Variants in GALNT1 observed in about 807,000 individuals in gnomAD.
GALNT1 encodes GalNAc transferase 1.
A neutral mutation model predicts 65.7 loss-of-function variants in GALNT1; 17 were observed. That is an observed-to-expected ratio of 0.26 (90% CI 0.18 to 0.39). The LOEUF is 0.39. Among genes scored for constraint, GALNT1 ranks in the 10% least tolerant of loss-of-function variants. The pLI is 1.00. For synonymous variants in GALNT1, 210 were observed against 219.7 expected, an observed-to-expected ratio of 0.96 and a Z score of 0.39; for missense variants, 460 against 672.8, an observed-to-expected ratio of 0.68 and a Z score of 3.50.
intron 1 of GALNT1, among the ~76,000 whole-genome samples, chr18:35,582,359 C>T (rs987587303): frequency 1.3e-5 from 2 of 152,148 alleles, no homozygotes; most frequent in Non-Finnish European, 2.9e-5. Context: ...AATGTAGTAG[C>T]TTTTCCGCTT....
intron 1 of GALNT1, among the ~76,000 whole-genome samples, chr18:35,652,141 A>T (rs2047319724): frequency 6.6e-6 from 1 of 152,108 alleles, no homozygotes; most frequent in Non-Finnish European, 1.5e-5. Context: ...AAACATCTCA[A>T]AGAAGACATT....
intron 3 of GALNT1, among the ~76,000 whole-genome samples, chr18:35,676,177 TAG>T (rs2047707497): frequency 1.3e-5 from 2 of 151,846 alleles, no homozygotes. Flanking sequence ...AGAGTGAACA[TAG>T]GGAGCAAGCA....
rs58909585 is a variant in GALNT1, at chr18:35,636,783, G to GTTT, written c.-103-17754_-103-17752dup. Among the ~76,000 whole-genome samples, 160 of 64,210 alleles carry GTTT rather than the reference G, an allele frequency of 2.5e-3. 5 individuals are homozygous for GTTT. Among genetic ancestry groups the GTTT allele is most frequent in the African/African-American group, 6.5e-3 (122 of 18,688 alleles). The allele number at this position is 64,210 out of a possible 152,430, so 42.1% of individuals were successfully genotyped here. On this transcript the variant is annotated intron_variant, in intron 1 of 11. Coordinates refer to ENST00000269195, the MANE Select transcript of GALNT1 (RefSeq NM_020474.4). ...TATTGTACTTCACAGATACTACTTTGTTTTTTTTTTTTTTTTTTTTTTTTT... is the reference window on the plus strand; with the variant it reads ...TATTGTACTTCACAGATACTACTTTGTTTTTTTTTTTTTTTTTTTTTTTTTTTT...
chr18:35,641,922 G>T (rs970131671), intron 1 of GALNT1, among the ~76,000 whole-genome samples: 1 of 152,098 alleles, frequency 6.6e-6, no homozygotes, highest in Non-Finnish European at 1.5e-5. Context: ...ATAATATTTT[G>T]TAATTTATAG....
At chr18:35,705,957 A>T (rs927521005) in intron 11 of GALNT1, among the ~76,000 whole-genome samples, 2 of 152,174 alleles carry the variant, frequency 1.3e-5, no homozygotes, top group East Asian at 1.9e-4. Flanking sequence ...GCTCTTTATT[A>T]GCAAAGTAAA....
intron 1 of GALNT1, among the ~76,000 whole-genome samples, chr18:35,618,685 TC>T (rs1451418250): frequency 5.3e-5 from 8 of 152,208 alleles, no homozygotes; most frequent in Admixed American, 5.2e-4. Context: ...TACTTAACTT[TC>T]CTATTACATT....
At position 35,702,969 on chromosome 18, in the gene GALNT1, A is replaced by G; in HGVS notation, c.1372A>G (p.Asn458Asp). 6.2e-7 allele frequency: 1 copy of G among 1,610,032 alleles called. No individual in the cohort carries two copies. Among genetic ancestry groups the G allele is most frequent in the Non-Finnish European group, 8.5e-7 (1 of 1,178,048 alleles). ...AGAGAATGAAAAAGTTGGAATTTTTAATTGCCATGGTATGGGGGGTAATCA... is the reference window on the plus strand; with the variant it reads ...AGAGAATGAAAAAGTTGGAATTTTTGATTGCCATGGTATGGGGGGTAATCA... ...RKENEKVGIFNCHGMGGNQVF... is the reference protein window; with the variant it reads ...RKENEKVGIFDCHGMGGNQVF... Residue 458 changes from asparagine (N) to aspartate (D), a missense_variant, in exon 10 of 12, where the codon AAT becomes GAT. Transcript: ENST00000269195.
intron 9 of GALNT1, among the ~76,000 whole-genome samples, chr18:35,693,618 G>A (rs927256219): frequency 6.6e-6 from 1 of 152,178 alleles, no homozygotes; most frequent in African/African-American, 2.4e-5. Context: ...GACACTGACT[G>A]TAAAGTTGCC....
chr18:35,635,372 TAC>T (rs2047075695), intron 1 of GALNT1, among the ~76,000 whole-genome samples: 1 of 152,128 alleles, frequency 6.6e-6, no homozygotes, highest in African/African-American at 2.4e-5. Flanking sequence ...AGACACCAGG[TAC>T]ACATAATAAA....
chr18:35,619,276 T>G (rs1158392970), intron 1 of GALNT1, among the ~76,000 whole-genome samples: 1 of 152,196 alleles, frequency 6.6e-6, no homozygotes, highest in African/African-American at 2.4e-5. Flanking sequence ...CAAGTTTTGG[T>G]TTTTATTTGT....
chr18:35,664,951 T>C (rs2047526664), intron 3 of GALNT1, among the ~76,000 whole-genome samples: 1 of 152,240 alleles, frequency 6.6e-6, no homozygotes, highest in African/African-American at 2.4e-5. Context: ...GAAAAGTATG[T>C]GCTGAATTTC....
intron 2 of GALNT1, among the ~76,000 whole-genome samples, chr18:35,660,639 G>A (rs1376165755): frequency 1.3e-5 from 2 of 152,106 alleles, no homozygotes; most frequent in Non-Finnish European, 2.9e-5. Context: ...ACACATAGAA[G>A]ACTGGCAGTA....
intron 1 of GALNT1, among the ~76,000 whole-genome samples, chr18:35,633,176 C>A (rs998171002): frequency 1.4e-4 from 21 of 152,124 alleles, no homozygotes; most frequent in Non-Finnish European, 2.4e-4. Flanking sequence ...CCATTTGACC[C>A]AGCCATCCCA....
intron 9 of GALNT1, among the ~76,000 whole-genome samples, chr18:35,696,725 T>G (rs1169941125): frequency 6.6e-6 from 1 of 152,224 alleles, no homozygotes; most frequent in East Asian, 1.9e-4. Flanking sequence ...ATAAGTAAAC[T>G]GAGACACAAA....
intron 5 of GALNT1, among the ~76,000 whole-genome samples, chr18:35,686,010 A>G (rs904808554): frequency 2.0e-5 from 3 of 152,200 alleles, no homozygotes; most frequent in African/African-American, 7.2e-5. Flanking sequence ...CAAGGCTGCA[A>G]TGAGCCAAGA....
At chr18:35,695,810 A>G (rs1484358899) in intron 9 of GALNT1, among the ~76,000 whole-genome samples, 1 of 152,216 alleles carries the variant, frequency 6.6e-6, no homozygotes, top group Non-Finnish European at 1.5e-5. Flanking sequence ...CTGGTCAAAG[A>G]AGGCCCAGGG....
At chr18:35,628,113 G>C (rs1309193337) in intron 1 of GALNT1, among the ~76,000 whole-genome samples, 1 of 152,212 alleles carries the variant, frequency 6.6e-6, no homozygotes, top group Non-Finnish European at 1.5e-5. Flanking sequence ...AAGGAGGCCT[G>C]CTGCCTCTGT....
At chr18:35,634,453 C>T (rs2047063193) in intron 1 of GALNT1, among the ~76,000 whole-genome samples, 1 of 152,154 alleles carries the variant, frequency 6.6e-6, no homozygotes, top group Non-Finnish European at 1.5e-5. Context: ...GTTGTACTAA[C>T]AGCCAGGATT....
intron 2 of GALNT1, among the ~76,000 whole-genome samples, chr18:35,658,583 A>G (rs914075491): frequency 6.6e-6 from 1 of 152,206 alleles, no homozygotes; most frequent in Non-Finnish European, 1.5e-5. Context: ...GCTAGTGACA[A>G]ATTTCTGTGG....
Sources: allele counts gnomAD v4.1 joint callset (sites outside exome capture counted in the v4.1 genomes callset), GRCh38; gene constraint gnomAD v4.1.1; transcripts MANE v1.5; gene names NCBI Gene and HGNC (gene_info 2026-07-23, HGNC 2026-07-21).